PLCL2: variants seen among roughly 807,000 people sequenced by gnomAD.
PLCL2 encodes inactive phospholipase C-like protein 2.
A neutral mutation model predicts 79.6 loss-of-function variants in PLCL2; 4 were observed. The ratio of observed to expected loss-of-function variants is 0.05; its 90% confidence interval spans 0.02 to 0.11. The LOEUF (loss-of-function observed/expected upper bound fraction) is 0.11, where lower values mean the gene tolerates loss of function less well. PLCL2 is among the 10% of genes least tolerant of loss of function. PLCL2 has a pLI of 1.00. For synonymous variants in PLCL2, 484 were observed against 457.7 expected, an observed-to-expected ratio of 1.06 and a Z score of -0.73; for missense variants, 895 against 1,291.0, an observed-to-expected ratio of 0.69 and a Z score of 4.70.
chr3:17,058,391 A>G (rs899485729), intron 4 of PLCL2, among the ~76,000 whole-genome samples: 1 of 152,170 alleles, frequency 6.6e-6, no homozygotes, highest in African/African-American at 2.4e-5. Context: ...AAAAACAAAC[A>G]TTCTGAAGGT....
chr3:16,981,414 A>C (rs904039412), intron 1 of PLCL2, among the ~76,000 whole-genome samples: 13 of 152,232 alleles, frequency 8.5e-5, no homozygotes, highest in African/African-American at 2.9e-4. Flanking sequence ...CTAATGACTA[A>C]AATTGCAAAT....
At chr3:16,945,378 T>A (rs942525241) in intron 1 of PLCL2, among the ~76,000 whole-genome samples, 4 of 152,132 alleles carry the variant, frequency 2.6e-5, no homozygotes, top group African/African-American at 9.7e-5. Context: ...ATTGTGTTGG[T>A]TTTTTATTAT....
At chr3:16,935,716 G>T (rs1697522770) in intron 1 of PLCL2, among the ~76,000 whole-genome samples, 1 of 152,096 alleles carries the variant, frequency 6.6e-6, no homozygotes, top group Admixed American at 6.5e-5. Context: ...TGTTATATAT[G>T]TTGATAGATT....
At chr3:16,951,587 A>T (rs1350678595) in intron 1 of PLCL2, among the ~76,000 whole-genome samples, 1 of 151,376 alleles carries the variant, frequency 6.6e-6, no homozygotes, top group Non-Finnish European at 1.5e-5. Flanking sequence ...TAACTTTTTG[A>T]ATTGAAATTT....
In PLCL2 at chr3:17,009,563, G is replaced by A. The variant is rs1046506647; in HGVS notation, c.328-111G>A. On this transcript the variant is annotated intron_variant, in intron 1 of 5. Transcript: ENST00000615277. The surrounding 1 kb of genome is among the most constrained non-coding windows in gnomAD (Gnocchi z 4.0). ...CATTCATCACAGGAATCTAGAATAG[G>A]AAATCTTAATAGTATGATTTTTTTC... 3 of 606,436 alleles carry A rather than the reference G, an allele frequency of 4.9e-6. No individual in the cohort carries two copies. The highest frequency in any genetic ancestry group is 3.0e-5 in the Admixed American group (1 of 32,798). The allele number at this position is 606,436 out of a possible 1,614,324, so 37.6% of individuals were successfully genotyped here.
chr3:17,051,245 G>A (rs1008899245), intron 4 of PLCL2, among the ~76,000 whole-genome samples: 2 of 152,046 alleles, frequency 1.3e-5, no homozygotes, highest in Admixed American at 1.3e-4. Context: ...ATTTGATAGC[G>A]CAACAGGGGT....
rs1021332442 is a variant in PLCL2, at chr3:16,956,480, C to T, written c.328-53194C>T. On this transcript the variant is annotated intron_variant, in intron 1 of 5. Coordinates refer to ENST00000615277, the MANE Select transcript of PLCL2 (RefSeq NM_001144382.2). The stretch of plus-strand genomic sequence containing the variant: ...ATCAATGTTCATCAAGGATATTGGT[C>T]TAAAATTCTCTTTTTTTGTTGTGTC... Among the ~76,000 whole-genome samples, 641 of 152,212 alleles carry T rather than the reference C, an allele frequency of 4.2e-3. 4 individuals carry two copies. The highest frequency in any genetic ancestry group is 0.014 in the African/African-American group (596 of 41,526).
At chr3:17,016,283 C>T (rs2064382284) in intron 3 of PLCL2, among the ~76,000 whole-genome samples, 1 of 152,176 alleles carries the variant, frequency 6.6e-6, no homozygotes, top group Admixed American at 6.5e-5. Context: ...TTTTAAACAG[C>T]TTATGAGTTC....
intron 1 of PLCL2, among the ~76,000 whole-genome samples, chr3:16,978,987 A>G (rs1380447032): frequency 1.3e-5 from 2 of 152,212 alleles, no homozygotes; most frequent in Non-Finnish European, 2.9e-5. Context: ...CTAAGGAATG[A>G]TGCCTTCTTT....
At chr3:17,056,151 G>A (rs983722712) in intron 4 of PLCL2, among the ~76,000 whole-genome samples, 2 of 152,134 alleles carry the variant, frequency 1.3e-5, no homozygotes, top group Non-Finnish European at 2.9e-5. Context: ...GAGGGGTCAC[G>A]AGTAACTCTC....
chr3:16,912,162 A>C (rs1696897327), intron 1 of PLCL2, among the ~76,000 whole-genome samples: 1 of 152,200 alleles, frequency 6.6e-6, no homozygotes. Context: ...CCAGTGGTTT[A>C]ATGCAACCAT....
chr3:16,967,711 T>G (rs1010982995), intron 1 of PLCL2, among the ~76,000 whole-genome samples: 2 of 152,134 alleles, frequency 1.3e-5, no homozygotes, highest in African/African-American at 4.8e-5. Context: ...ATTCTGTAAG[T>G]TGTGTGTTTA....
In PLCL2 at chr3:16,980,884, G is replaced by A. The variant is rs369114288; in HGVS notation, c.328-28790G>A. On this transcript the variant is annotated intron_variant, in intron 1 of 5. Coordinates refer to ENST00000615277, the MANE Select transcript of PLCL2 (RefSeq NM_001144382.2). The stretch of plus-strand genomic sequence containing the variant: ...TGAACGAGACTCCGTCTGCAATCCC[G>A]GCACCTCGGGAGGCCGAGGCTGGCG... Among the ~76,000 whole-genome samples, 51 of 152,364 alleles carry A rather than the reference G, an allele frequency of 3.3e-4. No individual in the cohort carries two copies. The South Asian group carries it at 5.6e-3, about 17-fold the overall frequency.
chr3:16,988,958 T>C (rs562185706), intron 1 of PLCL2, among the ~76,000 whole-genome samples: 1 of 152,248 alleles, frequency 6.6e-6, no homozygotes, highest in East Asian at 1.9e-4. Flanking sequence ...TATTTGATGA[T>C]TTATTTGGTC....
chr3:16,986,129 T>G (rs555437604), intron 1 of PLCL2, among the ~76,000 whole-genome samples: 4 of 151,792 alleles, frequency 2.6e-5, no homozygotes, highest in Non-Finnish European at 5.9e-5. Flanking sequence ...TCAACCCAAC[T>G]GAGGAAAAAA....
intron 4 of PLCL2, chr3:17,043,941 A>G (rs1437084349): frequency 6.6e-6 from 1 of 152,216 alleles, no homozygotes; most frequent in African/African-American, 2.4e-5. Flanking sequence ...TCTACATTTA[A>G]TTATTCAAAC....
chr3:17,001,768 T>A (rs2064213504), intron 1 of PLCL2, among the ~76,000 whole-genome samples: 1 of 151,986 alleles, frequency 6.6e-6, no homozygotes, highest in Non-Finnish European at 1.5e-5. Flanking sequence ...TTGTAGTATA[T>A]TTTGTAGTCA....
At chr3:17,023,605 C>A (rs1460022566) in intron 3 of PLCL2, among the ~76,000 whole-genome samples, 6 of 152,164 alleles carry the variant, frequency 3.9e-5, no homozygotes, top group Non-Finnish European at 7.3e-5. Flanking sequence ...CCTCCCCAGC[C>A]ATGTGGAACT....
At chr3:16,941,869 A>G (rs1458389439) in intron 1 of PLCL2, among the ~76,000 whole-genome samples, 1 of 141,108 alleles carries the variant, frequency 7.1e-6, no homozygotes, top group Admixed American at 7.6e-5. Flanking sequence ...AGGGCACAGT[A>G]AAAAAAAAAA....
Sources: gnomAD v4.1 joint callset for allele counts (sites outside exome capture counted in the v4.1 genomes callset) on GRCh38, gnomAD v4.1.1 for gene constraint, Gnocchi (gnomAD v3.1) non-coding constraint, MANE v1.5 for transcripts, NCBI Gene and HGNC (gene_info 2026-07-23, HGNC 2026-07-21) for gene names.